Variants in ZYG11B observed in about 807,000 individuals in gnomAD.
The protein encoded by ZYG11B is zyg-11 family member B, cell cycle regulator, also known as protein zyg-11 homolog B.
In ZYG11B, 36 loss-of-function variants were observed where a neutral mutation model predicts 82.4. The observed-to-expected ratio is 0.44, with a 90% confidence interval of 0.33 to 0.58. The LOEUF is 0.58. ZYG11B is among the 20% of genes least tolerant of loss of function. The pLI, the probability that ZYG11B is intolerant of heterozygous loss-of-function variation, is 0.02. For missense variants in ZYG11B, 552 were observed against 895.6 expected (o/e 0.62, Z 4.90); for synonymous variants, 303 against 312.8 (o/e 0.97, Z 0.33).
At chr1:52,789,286 A>G (rs1644936609) in intron 5 of ZYG11B, among the ~76,000 whole-genome samples, 1 of 152,126 alleles carries the variant, frequency 6.6e-6, no homozygotes, top group Non-Finnish European at 1.5e-5. Flanking sequence ...TGAATTCCCT[A>G]TATTAAGTCT....
At chr1:52,783,893 C>CATGTGTGTGTGTAGGTAAATAT (rs74193327) in intron 4 of ZYG11B, among the ~76,000 whole-genome samples, 1 of 81,940 alleles carries the variant, frequency 1.2e-5, no homozygotes, top group African/African-American at 4.2e-5. Context: ...TATGTACATA[C>CATGTGTGTGTGTAGGTAAATAT]ACGTGTGTGT....
rs193029286 is a variant in ZYG11B at position 52,823,406 on chromosome 1, T to C, written c.*1777T>C. The C allele has an allele frequency of 5.7e-4, 87 of 152,162 alleles. No homozygotes were observed. The highest frequency in any genetic ancestry group is 2.0e-3 in the African/African-American group (85 of 41,514). 9.4% of individuals were successfully genotyped at this position (152,162 alleles called of 1,614,324 possible). A position where few individuals can be genotyped will look rare whatever the true frequency, so the allele number is the denominator to read the frequency against. On this transcript the variant is annotated 3_prime_UTR_variant, in exon 14 of 14. Coordinates refer to ENST00000294353, the MANE Select transcript of ZYG11B (RefSeq NM_024646.3). ...AGATATTTAGAATCACTGAAAACCA[T>C]ATTAAATGCTGGGTTAATGCTGACT... is the stretch of plus-strand genomic sequence containing the variant.
Position 52,825,005 on chromosome 1 carries a change from C to A in ZYG11B, c.*3376C>A, listed in dbSNP as rs929139751. On this transcript the variant is annotated 3_prime_UTR_variant, in exon 14 of 14. Coordinates refer to ENST00000294353, the MANE Select transcript of ZYG11B (RefSeq NM_024646.3). ...GCTCCAATGTAAAATATCACTACAT[C>A]AGTCCACAAGCAACATTAAGGAAAT... 1.3e-5 allele frequency: 2 copies of A among 152,086 alleles called. No homozygotes were observed. The highest frequency in any genetic ancestry group is 6.5e-5 in the Admixed American group (1 of 15,268). The allele number at this position is 152,086 out of a possible 1,614,324, so 9.4% of individuals were successfully genotyped here.
At chr1:52,812,166 T>A (rs1016259110) in intron 10 of ZYG11B, among the ~76,000 whole-genome samples, 8 of 152,194 alleles carry the variant, frequency 5.3e-5, no homozygotes, top group Non-Finnish European at 1.2e-4. Context: ...CTGTTATTTT[T>A]TAGTCCATTT....
chr1:52,734,440 G>T (rs373401137), intron 1 of ZYG11B, among the ~76,000 whole-genome samples: 1 of 146,420 alleles, frequency 6.8e-6, no homozygotes, highest in East Asian at 2.0e-4. Flanking sequence ...GGAATAAAAG[G>T]TTTTTTTTTT....
At position 52,756,530 on chromosome 1, in the gene ZYG11B, T is replaced by G; in HGVS notation, c.103T>G (p.Ser35Ala). The G allele has an allele frequency of 6.2e-7, 1 of 1,614,156 alleles. No homozygotes were observed. Among genetic ancestry groups the G allele is most frequent in the Non-Finnish European group, 8.5e-7 (1 of 1,180,028 alleles). ...GACTACTCACCTTGAGAAGTTCTGTTCAGCCAGACAAGATGGAACATTGTG... is the reference window on the plus strand; with the variant it reads ...GACTACTCACCTTGAGAAGTTCTGTGCAGCCAGACAAGATGGAACATTGTG... ...FLTTHLEKFC[S>A]ARQDGTLCLQ... The change falls in exon 2 of 14, where the codon TCA becomes GCA. Residue 35 changes from serine to alanine, a missense_variant. By Grantham distance (99) the Ser-to-Ala change is moderately conservative (BLOSUM62 1). Transcript: ENST00000294353.
intron 1 of ZYG11B, among the ~76,000 whole-genome samples, chr1:52,740,982 C>T (rs1304324719): frequency 6.6e-6 from 1 of 151,804 alleles, no homozygotes; most frequent in Non-Finnish European, 1.5e-5. Flanking sequence ...GGAAGCCTGA[C>T]TTGGTTGAAT....
rs1360283464 is a variant in ZYG11B, at chr1:52,821,513, A to G, written c.2119A>G (p.Thr707Ala). ...ATACAACATCAAAGATCATGAACATACTGATCCCCATGTCCAACAGATTGC... is the reference window on the plus strand; with the variant it reads ...ATACAACATCAAAGATCATGAACATGCTGATCCCCATGTCCAACAGATTGC... The part of the protein sequence containing the change: ...HLYNIKDHEH[T>A]DPHVQQIAVA... The change falls in exon 14 of 14, where the codon ACT becomes GCT. Residue 707 changes from threonine to alanine, a missense_variant. Around this residue, in one of 3 missense-constraint regions of ZYG11B, gnomAD observed 127 missense variants for 163.4 expected, o/e 0.78. Transcript: ENST00000294353. 1.2e-6 allele frequency: 2 copies of G among 1,614,090 alleles called. No individual in the cohort carries two copies. Among genetic ancestry groups the G allele is most frequent in the African/African-American group, 1.3e-5 (1 of 74,954 alleles).
intron 3 of ZYG11B, among the ~76,000 whole-genome samples, chr1:52,778,593 T>C (rs976617112): frequency 6.6e-6 from 1 of 152,222 alleles, no homozygotes; most frequent in Non-Finnish European, 1.5e-5. Context: ...TGTTTCTCTT[T>C]CTGTGATGTT....
chr1:52,809,329 A>G (rs1478906395), intron 10 of ZYG11B, among the ~76,000 whole-genome samples: 7 of 151,980 alleles, frequency 4.6e-5, no homozygotes, highest in Non-Finnish European at 7.4e-5. Context: ...ATACTATTCC[A>G]TTCCCCCATT....
At chr1:52,740,316 G>T (rs537634026) in intron 1 of ZYG11B, among the ~76,000 whole-genome samples, 1 of 152,244 alleles carries the variant, frequency 6.6e-6, no homozygotes, top group South Asian at 2.1e-4. Context: ...TCTTTTTTAG[G>T]TAGAACTCTA....
In ZYG11B at chr1:52,780,143, C is replaced by T. The variant is rs191413576; in HGVS notation, c.1092+150C>T. 3.4e-5 allele frequency: 26 copies of T among 762,598 alleles called. No individual in the cohort carries two copies. The East Asian group carries it at 4.7e-4, about 14-fold the overall frequency. The allele number at this position is 762,598 out of a possible 1,614,324, so 47.2% of individuals were successfully genotyped here. A position where few individuals can be genotyped will look rare whatever the true frequency, so the allele number is the denominator to read the frequency against. Reference sequence around the variant, plus strand: ...TGTGATTTCAATCATTAGCTATAAACGAGAGAGAAGATAGTTGTACAATGT... The same window carrying T: ...TGTGATTTCAATCATTAGCTATAAATGAGAGAGAAGATAGTTGTACAATGT... On this transcript the variant is annotated intron_variant, in intron 4 of 13. Transcript: ENST00000294353.
In ZYG11B at chr1:52,726,507, G is replaced by GCTACTA; in HGVS notation, c.-143_-142insTACTAC. The GCTACTA allele has an allele frequency of 1.4e-6, 1 of 704,198 alleles. No individual in the cohort carries two copies. Among genetic ancestry groups the GCTACTA allele is most frequent in the African/African-American group, 1.9e-5 (1 of 53,634 alleles). 43.6% of individuals were successfully genotyped at this position (704,198 alleles called of 1,614,324 possible). ...TGCGGCTGCGGCTGCGGCTGCTACTGCTACGCTCCTAGCTTGAGGGAAAGA... is the reference window on the plus strand; with the variant it reads ...TGCGGCTGCGGCTGCGGCTGCTACTGCTACTACTACGCTCCTAGCTTGAGGGAAAGA... On this transcript the variant is annotated 5_prime_UTR_variant, in exon 1 of 14. Coordinates refer to ENST00000294353, the MANE Select transcript of ZYG11B (RefSeq NM_024646.3).
intron 13 of ZYG11B, among the ~76,000 whole-genome samples, chr1:52,816,947 C>T (rs1434030358): frequency 6.6e-6 from 1 of 151,826 alleles, no homozygotes; most frequent in African/African-American, 2.4e-5. Flanking sequence ...TGCCACCATG[C>T]CCGGCTAATT....
chr1:52,802,994 T>G (rs1571792606), intron 10 of ZYG11B, among the ~76,000 whole-genome samples: 1 of 148,496 alleles, frequency 6.7e-6, no homozygotes, highest in Admixed American at 6.8e-5. Context: ...CACTCCAGCC[T>G]GGGCAACAGA....
At chr1:52,762,312 ATCC>A (rs1644638986) in intron 2 of ZYG11B, among the ~76,000 whole-genome samples, 1 of 151,434 alleles carries the variant, frequency 6.6e-6, no homozygotes, top group Non-Finnish European at 1.5e-5. Context: ...GGCTCAAGCA[ATCC>A]TCCTGCTTCA....
At position 52,792,359 on chromosome 1, in the gene ZYG11B, TGTTA is replaced by T. The variant is rs1644966814; in HGVS notation, c.1334+2297_1334+2300del. Among the ~76,000 whole-genome samples the T allele has an allele frequency of 2.6e-5, 4 of 152,228 alleles. No individual in the cohort carries two copies. In the South Asian group the frequency reaches 8.3e-4, roughly 31 times the overall value. On this transcript the variant is annotated intron_variant, in intron 6 of 13. Coordinates refer to ENST00000294353, the MANE Select transcript of ZYG11B (RefSeq NM_024646.3). ...TGACTGATGATCATTAAGGATTTCC[TGTTA>T]GTTATGGCACTTGAGATAAAAACGG...
At chr1:52,758,763 G>A (rs1014150135) in intron 2 of ZYG11B, among the ~76,000 whole-genome samples, 4 of 152,096 alleles carry the variant, frequency 2.6e-5, no homozygotes, top group African/African-American at 7.2e-5. Context: ...AGTTTCTCAT[G>A]CCAGCAGTCT....
intron 10 of ZYG11B, chr1:52,805,090 TCAAAAA>T (rs1558141409): frequency 1.4e-5 from 1 of 70,232 alleles, no homozygotes; most frequent in African/African-American, 1.0e-4. Context: ...AAACTCTGTC[TCAAAAA>T]AAAAAAAAAA....
Sources: gnomAD v4.1 joint callset for allele counts (sites outside exome capture counted in the v4.1 genomes callset) on GRCh38, gnomAD v4.1.1 for gene constraint, gnomAD v4.1.1 regional missense constraint, MANE v1.5 for transcripts, NCBI Gene and HGNC (gene_info 2026-07-23, HGNC 2026-07-21) for gene names.